The following UNC93A variants were observed in gnomAD, a reference collection of about 807,000 sequenced individuals.
UNC93A encodes the protein unc-93 homolog A, also known as N-acetylglucosamine transporter UNC93A.
In UNC93A, 43 loss-of-function variants were observed where a neutral mutation model predicts 47.5. The observed-to-expected ratio is 0.91, with a 90% confidence interval of 0.71 to 1.17. The LOEUF (loss-of-function observed/expected upper bound fraction) is 1.17, where lower values mean the gene tolerates loss of function less well. UNC93A is among the 50% of genes most tolerant of loss of function. UNC93A has a pLI of 0.00. For synonymous variants in UNC93A, 280 were observed against 258.0 expected, an observed-to-expected ratio of 1.09 and a Z score of -0.82; for missense variants, 605 against 577.6, an observed-to-expected ratio of 1.05 and a Z score of -0.49.
intron 1 of UNC93A, among the ~76,000 whole-genome samples, chr6:167,283,980 A>C (rs1465333496): frequency 1.3e-5 from 2 of 152,198 alleles, no homozygotes; most frequent in African/African-American, 4.8e-5. Flanking sequence ...GGGAAGGTTC[A>C]CACTCAGGGT....
At chr6:167,297,239 G>A (rs1316970652) in intron 3 of UNC93A, among the ~76,000 whole-genome samples, 4 of 152,332 alleles carry the variant, frequency 2.6e-5, no homozygotes, top group African/African-American at 9.6e-5. Flanking sequence ...AGAATCTGGG[G>A]CTGGAGGGAT....
chr6:167,307,830 G>C lies in UNC93A; in HGVS notation c.1028G>C (p.Arg343Pro), dbSNP rs143452023. The change falls in exon 7 of 8, where the codon CGT becomes CCT. Residue 343 changes from arginine to proline, a missense_variant. Arg to Pro is a moderately radical substitution (Grantham distance 103). Coordinates refer to ENST00000230256, the MANE Select transcript of UNC93A (RefSeq NM_018974.4). ...CMIALLLWRP[R>P]ADHLAVFFVF... Reference sequence around the variant, plus strand: ...ATTGCCCTACTGCTGTGGAGACCTCGTGCTGACCATCTGGCAGTGTTCTTC... The same window carrying C: ...ATTGCCCTACTGCTGTGGAGACCTCCTGCTGACCATCTGGCAGTGTTCTTC... 25 of 1,613,968 alleles carry C rather than the reference G, an allele frequency of 1.5e-5. No homozygotes were observed. The highest frequency in any genetic ancestry group is 1.8e-5 in the Non-Finnish European group (21 of 1,179,984).
intron 4 of UNC93A, among the ~76,000 whole-genome samples, chr6:167,300,301 G>T (rs1165197392): frequency 6.6e-6 from 1 of 152,148 alleles, no homozygotes; most frequent in Admixed American, 6.5e-5. Flanking sequence ...AGAGAAGGGA[G>T]TATAGCTGGA....
chr6:167,295,647 C>A (rs1778055841), intron 2 of UNC93A, among the ~76,000 whole-genome samples: 1 of 112,122 alleles, frequency 8.9e-6, no homozygotes, highest in Non-Finnish European at 1.7e-5. Context: ...GCCTCGTGCT[C>A]CTCGCCTCCC....
At chr6:167,278,425 TGCAGCA>T (rs966837047) in intron 1 of UNC93A, among the ~76,000 whole-genome samples, 4 of 152,200 alleles carry the variant, frequency 2.6e-5, no homozygotes, top group Non-Finnish European at 5.9e-5. Flanking sequence ...TGCATGAGGC[TGCAGCA>T]CCACAACTCC....
At chr6:167,275,307 G>A (rs1783521041) in intron 1 of UNC93A, among the ~76,000 whole-genome samples, 1 of 152,220 alleles carries the variant, frequency 6.6e-6, no homozygotes, top group Non-Finnish European at 1.5e-5. Flanking sequence ...CCAACAGTGA[G>A]GCAGGTGGCT....
intron 3 of UNC93A, 99 bp from the exon 4 acceptor site, chr6:167,297,844 GGT>G: frequency 6.8e-7 from 1 of 1,470,244 alleles, no homozygotes; most frequent in Non-Finnish European, 9.2e-7. Context: ...CCTCCCCCCA[GGT>G]GTCCAATGTC....
At chr6:167,314,416 T>G (rs1370785434) in intron 7 of UNC93A, among the ~76,000 whole-genome samples, 1 of 152,140 alleles carries the variant, frequency 6.6e-6, no homozygotes, top group Non-Finnish European at 1.5e-5. Context: ...GGGCTCAGGC[T>G]GCCACTGTCC....
At chr6:167,307,510 G>A (rs1365710753) in intron 6 of UNC93A, among the ~76,000 whole-genome samples, 2 of 151,810 alleles carry the variant, frequency 1.3e-5, no homozygotes, top group Non-Finnish European at 2.9e-5. Context: ...TGGTTGAGAC[G>A]GTTCCAGAGG....
At chr6:167,270,185 C>T (rs968867357), upstream of UNC93A, among the ~76,000 whole-genome samples, 2 of 152,112 alleles carry the variant, frequency 1.3e-5, no homozygotes, top group African/African-American at 4.8e-5. Context: ...CATGGGCTCT[C>T]AAAGTCACCT....
At chr6:167,307,963 G>T in intron 7 of UNC93A, 53 bp downstream of exon 7, 2 of 1,602,794 alleles carry the variant, frequency 1.2e-6, no homozygotes, top group Non-Finnish European at 1.7e-6. Flanking sequence ...GCGGTCCCTG[G>T]CCAAGGCAAC....
intron 1 of UNC93A, among the ~76,000 whole-genome samples, chr6:167,278,648 C>T (rs1400937661): frequency 2.0e-5 from 3 of 152,130 alleles, no homozygotes; most frequent in Non-Finnish European, 4.4e-5. Flanking sequence ...GACAAGTTCC[C>T]CTGAAACTCA....
intron 7 of UNC93A, 64 bp downstream of exon 7, chr6:167,307,974 T>G: frequency 1.3e-6 from 2 of 1,593,196 alleles, no homozygotes; most frequent in Non-Finnish European, 1.7e-6. Context: ...CCAAGGCAAC[T>G]GTGGGGCTCA....
At chr6:167,279,044 C>T (rs1783589609) in intron 1 of UNC93A, among the ~76,000 whole-genome samples, 1 of 152,228 alleles carries the variant, frequency 6.6e-6, no homozygotes, top group African/African-American at 2.4e-5. Context: ...CTGCAACACA[C>T]AGGCAGATGA....
chr6:167,283,687 T>G (rs191863584), intron 1 of UNC93A, among the ~76,000 whole-genome samples: 20 of 152,182 alleles, frequency 1.3e-4, no homozygotes, highest in Admixed American at 3.9e-4. Flanking sequence ...AAGTTTGAGA[T>G]ACACACACAC....
In UNC93A at chr6:167,296,134, G is replaced by A. The variant is rs770012376; in HGVS notation, c.372G>A (p.Glu124=). The change falls in exon 3 of 8, where the codon GAG becomes GAA. Residue 124 remains glutamate (E), a synonymous_variant. Transcript: ENST00000230256. ...YLTITGNTHA[E]KAGKRGKDMV... ...CGATCACGGGAAACACACATGCAGA[G>A]AAGGCGGGAAAGCGTGGCAAAGACA... 2 of 1,614,266 alleles carry A rather than the reference G, an allele frequency of 1.2e-6. No homozygotes were observed. The highest frequency in any genetic ancestry group is 2.2e-5 in the South Asian group (2 of 91,090).
chr6:167,299,136 A>AATT (rs3046653), intron 4 of UNC93A, among the ~76,000 whole-genome samples: 1 of 112,904 alleles, frequency 8.9e-6, no homozygotes, highest in Non-Finnish European at 1.7e-5. Flanking sequence ...AAAAATACAC[A>AATT]CACACACACA....
chr6:167,303,671 C>T (rs548130263), intron 4 of UNC93A, among the ~76,000 whole-genome samples: 1 of 151,970 alleles, frequency 6.6e-6, no homozygotes, highest in Non-Finnish European at 1.5e-5. Flanking sequence ...CCGGTGAGGA[C>T]AATACTGACC....
At chr6:167,309,888 G>T (rs1212370694) in intron 7 of UNC93A, among the ~76,000 whole-genome samples, 9 of 152,150 alleles carry the variant, frequency 5.9e-5, no homozygotes, top group Non-Finnish European at 1.2e-4. Context: ...TGTGTACTTG[G>T]CCCAGCGCCA....
Sources: gnomAD v4.1 joint callset for allele counts (sites outside exome capture counted in the v4.1 genomes callset) on GRCh38, gnomAD v4.1.1 for gene constraint, MANE v1.5 for transcripts, NCBI Gene and HGNC (gene_info 2026-07-23, HGNC 2026-07-21) for gene names.